LAMA3: variants seen among roughly 807,000 people sequenced by gnomAD.
LAMA3 encodes the protein laminin subunit alpha 3, also known as laminin subunit alpha-3.
A neutral mutation model predicts 402.0 loss-of-function variants in LAMA3; 281 were observed. The ratio of observed to expected loss-of-function variants is 0.70; its 90% CI spans 0.63 to 0.77. The LOEUF (loss-of-function observed/expected upper bound fraction) is 0.77, where lower values mean the gene tolerates loss of function less well. Among genes scored for constraint, LAMA3 ranks in the 30% least tolerant of loss-of-function variants. The probability of loss-of-function intolerance (pLI) is 0.00; values close to 1 mark genes in which losing one functional copy is unlikely to be tolerated. For missense variants in LAMA3, 3,840 were observed against 4,215.5 expected, an observed-to-expected ratio of 0.91 and a Z score of 2.47; for synonymous variants, 1,431 against 1,558.4, an observed-to-expected ratio of 0.92 and a Z score of 1.93.
At chr18:23,767,018 A>G (rs1409775138) in intron 8 of LAMA3, among the ~76,000 whole-genome samples, 1 of 152,226 alleles carries the variant, frequency 6.6e-6, no homozygotes, top group Non-Finnish European at 1.5e-5. Context: ...CAACTTCAGT[A>G]AAGTTTCAGG....
Position 23,907,931 on chromosome 18 carries a change from C to G in LAMA3, c.7011C>G (p.Asn2337Lys), listed in dbSNP as rs540931781. 2.5e-6 allele frequency: 4 copies of G among 1,613,698 alleles called. No homozygotes were observed. Among genetic ancestry groups the G allele is most frequent in the Non-Finnish European group, 3.4e-6 (4 of 1,179,940 alleles). Residue 2337 changes from asparagine (N) to lysine (K), a missense_variant, in exon 54 of 75, where the codon AAC (asparagine) becomes AAG (lysine). Asn to Lys is a moderately conservative substitution (Grantham distance 94). This residue lies in a region of LAMA3 where 891 missense variants were observed against 857.5 expected (regional missense o/e 1.04). Transcript: ENST00000313654. ...AAAAGGCTCTGACTGATGCAGATAA[C>G]TCGGGTATCAGGCGATCTCTGGCCA... ...DFKKALTDAD[N>K]SVNKLTNKLP...
intron 7 of LAMA3, among the ~76,000 whole-genome samples, chr18:23,762,244 C>G (rs539303185): frequency 6.6e-6 from 1 of 151,968 alleles, no homozygotes; most frequent in Non-Finnish European, 1.5e-5. Flanking sequence ...ATATATTATT[C>G]AAGTTGTTGA....
At chr18:23,704,765 A>C (rs935245596) in intron 1 of LAMA3, among the ~76,000 whole-genome samples, 3 of 152,126 alleles carry the variant, frequency 2.0e-5, no homozygotes, top group African/African-American at 4.8e-5. Flanking sequence ...TCAAACAAAA[A>C]CCCCCAGAAA....
intron 2 of LAMA3, 97 bp downstream of exon 2, chr18:23,714,169 T>C: frequency 1.6e-6 from 2 of 1,251,718 alleles, no homozygotes; most frequent in Middle Eastern, 4.1e-4. Flanking sequence ...AAAAACAAAC[T>C]TCAGTTTTAA....
intron 19 of LAMA3, among the ~76,000 whole-genome samples, chr18:23,821,761 A>T (rs1457622428): frequency 6.6e-6 from 1 of 152,228 alleles, no homozygotes; most frequent in African/African-American, 2.4e-5. Context: ...TTGTATTTGG[A>T]GTCTTTAACC....
rs534288868 is a variant in LAMA3, at chr18:23,689,950, C to T, written c.267C>T (p.Thr89=). 4.8e-5 allele frequency: 73 copies of T among 1,520,136 alleles called. No individual in the cohort carries two copies. In the East Asian group the frequency reaches 1.3e-3, roughly 28 times the overall value. 94.2% of individuals were successfully genotyped at this position (1,520,136 alleles called of 1,614,324 possible). A position where few individuals can be genotyped will look rare whatever the true frequency, so the allele number is the denominator to read the frequency against. The change falls in exon 1 of 75, where the codon ACC becomes ACT. Residue 89 remains threonine, a synonymous_variant. Transcript: ENST00000313654. ...ACTGCAAGTTGGTCGGGGGCCCCAC[C>T]GCCCCAGGCAGCGGCCACACCATCC... ...ELYCKLVGGP[T]APGSGHTIQG...
chr18:23,885,735 A>G (rs1246563506), intron 41 of LAMA3, among the ~76,000 whole-genome samples: 2 of 152,198 alleles, frequency 1.3e-5, no homozygotes, highest in Non-Finnish European at 2.9e-5. Context: ...ACTTTCTCAT[A>G]AAATCAATAC....
Position 23,815,175 on chromosome 18 carries a change from C to A in LAMA3, c.1889-13C>A. Reference sequence around the variant, plus strand: ...GTCTCCCTTAGTTCAAGGATGCTCTCTTATCTCCACAGAATGCAAGTGCCA... The same window carrying A: ...GTCTCCCTTAGTTCAAGGATGCTCTATTATCTCCACAGAATGCAAGTGCCA... On this transcript the variant is annotated splice_polypyrimidine_tract_variant and intron_variant, in intron 15 of 74. Coordinates refer to ENST00000313654, the MANE Select transcript of LAMA3 (RefSeq NM_198129.4). The A allele has an allele frequency of 6.2e-7, 1 of 1,613,652 alleles. No individual in the cohort carries two copies.
intron 1 of LAMA3, among the ~76,000 whole-genome samples, chr18:23,703,429 C>A (rs1301094285): frequency 6.6e-6 from 1 of 152,076 alleles, no homozygotes; most frequent in East Asian, 1.9e-4. Flanking sequence ...TTTGAATTTC[C>A]ATCTATTCTA....
intron 25 of LAMA3, among the ~76,000 whole-genome samples, chr18:23,837,800 C>T (rs991197235): frequency 2.0e-4 from 31 of 151,792 alleles, no homozygotes; most frequent in Admixed American, 7.2e-4. Context: ...GCTGATACTA[C>T]GCATGCATCA....
At chr18:23,927,091 T>C (rs2082024147) in intron 62 of LAMA3, among the ~76,000 whole-genome samples, 1 of 152,232 alleles carries the variant, frequency 6.6e-6, no homozygotes, top group Non-Finnish European at 1.5e-5. Flanking sequence ...ATTTTGCCTC[T>C]CAGAAACACC....
chr18:23,810,693 A>G (rs1246432572), intron 13 of LAMA3, among the ~76,000 whole-genome samples, 190 bp downstream of exon 13: 2 of 152,164 alleles, frequency 1.3e-5, no homozygotes, highest in South Asian at 2.1e-4. Flanking sequence ...TCATATATGT[A>G]CCCTCAAAGG....
intron 1 of LAMA3, among the ~76,000 whole-genome samples, chr18:23,701,004 G>A (rs2060781512): frequency 6.6e-6 from 1 of 152,082 alleles, no homozygotes; most frequent in African/African-American, 2.4e-5. Context: ...TGTCATAAGT[G>A]GTAACTCTAA....
Position 23,855,215 on chromosome 18 carries a change from A to T in LAMA3, c.4137-2629A>T, listed in dbSNP as rs577785886. Among the ~76,000 whole-genome samples, 11 of 152,312 alleles carry T rather than the reference A, an allele frequency of 7.2e-5. No individual in the cohort carries two copies. The South Asian group carries it at 2.3e-3, about 32-fold the overall frequency. ...GAAGCCCCGCATGTTTGCTAAAAGA[A>T]ACGTTCAGACCTTGGGATGCCAGTC... is the stretch of plus-strand genomic sequence containing the variant. On this transcript the variant is annotated intron_variant, in intron 32 of 74. Transcript: ENST00000313654.
intron 23 of LAMA3, among the ~76,000 whole-genome samples, chr18:23,832,132 A>C (rs1407537792): frequency 6.6e-6 from 1 of 152,230 alleles, no homozygotes; most frequent in African/African-American, 2.4e-5. Context: ...TTTATAATAG[A>C]GTGCTAGATA....
At chr18:23,724,065 T>C (rs2145963061) in intron 2 of LAMA3, among the ~76,000 whole-genome samples, 1 of 152,276 alleles carries the variant, frequency 6.6e-6, no homozygotes, top group Middle Eastern at 3.4e-3. Context: ...CAAAGTCCAT[T>C]GAGTAATTCT....
chr18:23,922,706 A>G (rs2081883196), intron 62 of LAMA3, among the ~76,000 whole-genome samples: 1 of 152,270 alleles, frequency 6.6e-6, no homozygotes. Flanking sequence ...AGCCATGAAT[A>G]GCCAGTTATG....
chr18:23,871,571 A>G lies in LAMA3; in HGVS notation c.4908A>G (p.Leu1636=), dbSNP rs765267081. 1.2e-6 allele frequency: 2 copies of G among 1,614,216 alleles called. No homozygotes were observed. The highest frequency in any genetic ancestry group is 2.7e-5 in the African/African-American group (2 of 75,056). ...TQRLTLSEVG[L]EEASDTGSGR... is the part of the protein sequence containing the mutation. ...GGCTCACCCTGAGCGAGGTGGGGCTAGAGGAAGCCTCTGACACAGGAAGTG... is the reference window on the plus strand; with the variant it reads ...GGCTCACCCTGAGCGAGGTGGGGCTGGAGGAAGCCTCTGACACAGGAAGTG... The change falls in exon 38 of 75, where the codon CTA becomes CTG. Residue 1636 remains leucine, a synonymous_variant. Coordinates refer to ENST00000313654, the MANE Select transcript of LAMA3 (RefSeq NM_198129.4).
At chr18:23,949,489 G>C (rs912373041) in intron 70 of LAMA3, among the ~76,000 whole-genome samples, 1 of 152,036 alleles carries the variant, frequency 6.6e-6, no homozygotes, top group Admixed American at 6.5e-5. Flanking sequence ...GCACTAGCCC[G>C]CCCTCCTGCA....
Sources: allele counts gnomAD v4.1 joint callset (sites outside exome capture counted in the v4.1 genomes callset), GRCh38; gene constraint gnomAD v4.1.1; regional missense constraint gnomAD v4.1.1; transcripts MANE v1.5; gene names NCBI Gene and HGNC (gene_info 2026-07-23, HGNC 2026-07-21).